The following EVI5 variants were observed in gnomAD, a reference collection of about 807,000 sequenced individuals.
EVI5 encodes the protein ecotropic viral integration site 5, also known as ecotropic viral integration site 5 protein homolog.
A neutral mutation model predicts 112.0 loss-of-function variants in EVI5; 73 were observed. The observed-to-expected ratio is 0.65, with a 90% CI of 0.54 to 0.79. EVI5 has a LOEUF of 0.79. EVI5 is among the 30% of genes least tolerant of loss of function. EVI5 has a pLI of 0.00. For missense variants in EVI5, 900 were observed against 968.8 expected, an observed-to-expected ratio of 0.93 and a Z score of 0.94; for synonymous variants, 305 against 319.9, an observed-to-expected ratio of 0.95 and a Z score of 0.50.
intron 18 of EVI5, among the ~76,000 whole-genome samples, chr1:92,573,231 C>CTAA (rs35633855): frequency 0.2 from 29,907 of 151,838 alleles, 3,472 homozygotes; most frequent in Middle Eastern, 0.26. Flanking sequence ...CCTCCTAATT[C>CTAA]TAAATATCTA....
intron 18 of EVI5, among the ~76,000 whole-genome samples, chr1:92,564,674 A>G (rs1557798140): frequency 7.7e-6 from 1 of 130,656 alleles, no homozygotes; most frequent in African/African-American, 3.0e-5. Flanking sequence ...ATTATTTTTC[A>G]GATAAAGATT....
rs1453313623 is a variant in EVI5 at position 92,511,990 on chromosome 1, C to T, written c.*1666G>A. The T allele has an allele frequency of 6.6e-6, 1 of 152,256 alleles. No individual in the cohort carries two copies. The highest frequency in any genetic ancestry group is 1.5e-5 in the Non-Finnish European group (1 of 67,988). The allele number at this position is 152,256 out of a possible 1,614,324, so 9.4% of individuals were successfully genotyped here. ...TGAATTCTACTTTTCTCTTCCAAGGCTTTTTCCATAGGTTAACAAAATGTT... is the reference window on the plus strand; with the variant it reads ...TGAATTCTACTTTTCTCTTCCAAGGTTTTTTCCATAGGTTAACAAAATGTT... On this transcript the variant is annotated 3_prime_UTR_variant, in exon 20 of 20. Coordinates refer to ENST00000684568, the MANE Select transcript of EVI5 (RefSeq NM_001350197.2).
chr1:92,771,591 T>C (rs1475551336), intron 1 of EVI5, among the ~76,000 whole-genome samples: 2 of 137,452 alleles, frequency 1.5e-5, no homozygotes, highest in African/African-American at 2.7e-5. Context: ...GGATAAGGAA[T>C]ATATCAATTT....
chr1:92,613,328 C>T (rs1001778118), intron 16 of EVI5, among the ~76,000 whole-genome samples: 1 of 152,142 alleles, frequency 6.6e-6, no homozygotes, highest in African/African-American at 2.4e-5. Flanking sequence ...GACAGAGTTT[C>T]ACTCTTGTTG....
chr1:92,752,324 G>A (rs2102932317), intron 1 of EVI5, among the ~76,000 whole-genome samples: 1 of 152,048 alleles, frequency 6.6e-6, no homozygotes, highest in Non-Finnish European at 1.5e-5. Context: ...ACAGGCACGT[G>A]CCACCACGCC....
chr1:92,720,023 A>C (rs1674465598), intron 2 of EVI5, among the ~76,000 whole-genome samples: 1 of 152,102 alleles, frequency 6.6e-6, no homozygotes, highest in Non-Finnish European at 1.5e-5. Flanking sequence ...ACAAAATAAA[A>C]GAGGACACAA....
At chr1:92,670,372 G>A (rs552287642) in intron 10 of EVI5, among the ~76,000 whole-genome samples, 56 of 152,264 alleles carry the variant, frequency 3.7e-4, no homozygotes, top group African/African-American at 1.3e-3. Context: ...TTTTCACTGA[G>A]ACAGTCTAGT....
At chr1:92,703,058 A>G (rs1157908982) in intron 4 of EVI5, among the ~76,000 whole-genome samples, 2 of 152,190 alleles carry the variant, frequency 1.3e-5, no homozygotes, top group African/African-American at 4.8e-5. Context: ...TGCTCACTGT[A>G]GGAACACAGA....
At position 92,633,328 on chromosome 1, in the gene EVI5, A is replaced by G. The variant is rs142984427; in HGVS notation, c.1527+2874T>C. On this transcript the variant is annotated intron_variant, in intron 14 of 19. Coordinates refer to ENST00000684568, the MANE Select transcript of EVI5 (RefSeq NM_001350197.2). The stretch of plus-strand genomic sequence containing the variant: ...AGTCTAAGTCTCTTTGTAGCTCTCT[A>G]AGGACTTGCTTTATGAATCGGTTGC... 7.2e-4 allele frequency among the ~76,000 whole-genome samples: 109 copies of G among 152,274 alleles called. 1 individual carries two copies. The highest frequency in any genetic ancestry group is 4.1e-3 in the South Asian group (20 of 4,822).
chr1:92,682,481 G>T (rs1234288569), intron 9 of EVI5, among the ~76,000 whole-genome samples: 2 of 152,126 alleles, frequency 1.3e-5, no homozygotes, highest in Non-Finnish European at 2.9e-5. Flanking sequence ...ACAGTCTTCG[G>T]CCAGGCATGG....
intron 19 of EVI5, among the ~76,000 whole-genome samples, chr1:92,516,780 T>TAAG (rs1659959896): frequency 6.6e-6 from 1 of 152,006 alleles, no homozygotes; most frequent in Non-Finnish European, 1.5e-5. Flanking sequence ...CTGATCTAAA[T>TAAG]GATATACTGC....
chr1:92,609,343 T>A (rs1273174081), intron 16 of EVI5, among the ~76,000 whole-genome samples: 9 of 152,186 alleles, frequency 5.9e-5, no homozygotes. Context: ...CACACAATCA[T>A]GTCATGTCAT....
intron 11 of EVI5, 141 bp downstream of exon 11, chr1:92,665,794 CTAAA>C (rs1342412142): frequency 1.2e-5 from 6 of 515,100 alleles, no homozygotes; most frequent in Non-Finnish European, 2.0e-5. Flanking sequence ...AGTTATCTGG[CTAAA>C]TAAATAGTAA....
At chr1:92,713,419 G>A (rs1467448970) in intron 2 of EVI5, among the ~76,000 whole-genome samples, 1 of 151,406 alleles carries the variant, frequency 6.6e-6, no homozygotes, top group Non-Finnish European at 1.5e-5. Context: ...CATAAATTAA[G>A]TTTTCAAAGA....
chr1:92,558,282 T>C (rs1667989336), intron 19 of EVI5, among the ~76,000 whole-genome samples: 1 of 151,944 alleles, frequency 6.6e-6, no homozygotes, highest in Non-Finnish European at 1.5e-5. Flanking sequence ...GCCATTCACA[T>C]GCCAGTGATG....
intron 6 of EVI5, among the ~76,000 whole-genome samples, chr1:92,695,716 A>G (rs1670217493): frequency 6.6e-6 from 1 of 152,176 alleles, no homozygotes; most frequent in African/African-American, 2.4e-5. Context: ...ATATTTGTTT[A>G]ATCCTGTTGG....
In EVI5 at chr1:92,619,754, G is replaced by GA. The variant is rs202246439; in HGVS notation, c.1827+4421dup. On this transcript the variant is annotated intron_variant, in intron 16 of 19. Transcript: ENST00000684568. ...CAACACAGTGAGACCTTTTCTCTTT[G>GA]AAAAAAAAAAAATTTTTTTTTTGTT... Among the ~76,000 whole-genome samples, 380 of 142,532 alleles carry GA rather than the reference G, an allele frequency of 2.7e-3. 1 individual carries two copies. The highest frequency in any genetic ancestry group is 7.8e-3 in the African/African-American group (302 of 38,908). 93.5% of individuals were successfully genotyped at this position (142,532 alleles called of 152,430 possible).
intron 19 of EVI5, among the ~76,000 whole-genome samples, chr1:92,562,528 T>TAAAA (rs906755179): frequency 6.8e-6 from 1 of 147,722 alleles, no homozygotes; most frequent in Non-Finnish European, 1.5e-5. Flanking sequence ...AGACTCCGTC[T>TAAAA]AAAAAAAAAA....
At chr1:92,550,495 T>A (rs1286490800) in intron 19 of EVI5, among the ~76,000 whole-genome samples, 2 of 150,808 alleles carry the variant, frequency 1.3e-5, no homozygotes, top group Non-Finnish European at 1.5e-5. Flanking sequence ...TAAAGTATAA[T>A]TAAAAATATA....
Sources: allele counts gnomAD v4.1 joint callset (sites outside exome capture counted in the v4.1 genomes callset), GRCh38; gene constraint gnomAD v4.1.1; transcripts MANE v1.5; gene names NCBI Gene and HGNC (gene_info 2026-07-23, HGNC 2026-07-21).